PSD3: variants seen among roughly 807,000 people sequenced by gnomAD.
PSD3 encodes pleckstrin and Sec7 domain containing 3.
In PSD3, 49 loss-of-function variants were observed where a neutral mutation model predicts 105.5. The observed-to-expected ratio is 0.46, with a 90% CI of 0.37 to 0.59. The LOEUF is 0.59. PSD3 is among the 20% of genes least tolerant of loss of function. The probability of loss-of-function intolerance (pLI) is 0.00; values close to 1 mark genes in which losing one functional copy is unlikely to be tolerated. For missense variants in PSD3, 1,561 were observed against 1,263.8 expected (o/e 1.24, Z -3.57); for synonymous variants, 557 against 457.8 (o/e 1.22, Z -2.77).
chr8:18,632,568 A>C lies in PSD3; in HGVS notation c.2410+45T>G, dbSNP rs1349147689. 5 of 1,546,490 alleles carry C rather than the reference A, an allele frequency of 3.2e-6. No individual in the cohort carries two copies. The South Asian group carries it at 6.0e-5, about 19-fold the overall frequency. ...AAATTCCCTTTAAATTTTGAGCATA[A>C]AGATAAAATAAATGAAATAGAAAAT... On this transcript the variant is annotated intron_variant, in intron 11 of 15. Transcript: ENST00000327040.
Position 18,601,655 on chromosome 8 carries a change from A to G in PSD3, c.2411-1221T>C, listed in dbSNP as rs568408140. On this transcript the variant is annotated intron_variant, in intron 11 of 15. Coordinates refer to ENST00000327040, the MANE Select transcript of PSD3 (RefSeq NM_015310.4). The stretch of plus-strand genomic sequence containing the variant: ...AAATATCATCCCTTCTGCCTCCACT[A>G]GGTGAGGCTTAAAGGTATACTAAAA... 1.1e-4 allele frequency among the ~76,000 whole-genome samples: 17 copies of G among 152,326 alleles called. No homozygotes were observed. In the East Asian group the frequency reaches 3.3e-3, roughly 29 times the overall value.
chr8:18,609,966 A>C (rs1426208218), intron 11 of PSD3, among the ~76,000 whole-genome samples: 1 of 152,238 alleles, frequency 6.6e-6, no homozygotes, highest in Non-Finnish European at 1.5e-5. Flanking sequence ...AGTATTCAGC[A>C]AGTGACAGTA....
chr8:18,919,562 T>C (rs113411364), intron 2 of PSD3, among the ~76,000 whole-genome samples: 28 of 152,052 alleles, frequency 1.8e-4, no homozygotes, highest in Non-Finnish European at 3.7e-4. Flanking sequence ...AAACAGATCG[T>C]TGGCTTGCAA....
At chr8:18,734,620 C>G (rs997887539) in intron 9 of PSD3, among the ~76,000 whole-genome samples, 2 of 152,122 alleles carry the variant, frequency 1.3e-5, no homozygotes, top group African/African-American at 4.8e-5. Context: ...AATAAAGTCC[C>G]CGCCCTTATG....
intron 9 of PSD3, among the ~76,000 whole-genome samples, chr8:18,751,893 A>C (rs1003687533): frequency 3.4e-5 from 5 of 148,512 alleles, no homozygotes; most frequent in Non-Finnish European, 7.4e-5. Flanking sequence ...ATTAACTGGG[A>C]TCTGGACGCG....
At chr8:18,881,671 C>T (rs142863574) in intron 2 of PSD3, among the ~76,000 whole-genome samples, 21 of 152,236 alleles carry the variant, frequency 1.4e-4, no homozygotes, top group Admixed American at 9.2e-4. Flanking sequence ...GCCACAGTTA[C>T]GGATTCTACA....
intron 12 of PSD3, among the ~76,000 whole-genome samples, chr8:18,581,319 A>G (rs536924161): frequency 9.8e-5 from 15 of 152,318 alleles, no homozygotes; most frequent in African/African-American, 3.6e-4. Context: ...AACGCTTCAC[A>G]TTCCCATAGT....
At chr8:19,008,637 A>G (rs1239968788) in intron 1 of PSD3, among the ~76,000 whole-genome samples, 4 of 152,248 alleles carry the variant, frequency 2.6e-5, no homozygotes, top group Non-Finnish European at 5.9e-5. Flanking sequence ...GCCCTTAACC[A>G]GTAATCTCCT....
chr8:18,653,019 A>T (rs1808626932), intron 10 of PSD3, among the ~76,000 whole-genome samples: 1 of 152,236 alleles, frequency 6.6e-6, no homozygotes, highest in South Asian at 2.1e-4. Context: ...GCAGAAATTC[A>T]AGATGTACGT....
chr8:18,982,292 T>C (rs1295493008), intron 1 of PSD3, among the ~76,000 whole-genome samples: 1 of 152,206 alleles, frequency 6.6e-6, no homozygotes, highest in Non-Finnish European at 1.5e-5. Flanking sequence ...GCTATTTCCA[T>C]CAAATCTGTA....
At chr8:18,992,866 G>T (rs1390356991) in intron 1 of PSD3, among the ~76,000 whole-genome samples, 1 of 151,660 alleles carries the variant, frequency 6.6e-6, no homozygotes, top group Non-Finnish European at 1.5e-5. Flanking sequence ...TCTAAGGTCC[G>T]TCTGAGCTCT....
chr8:19,074,473 T>A (rs887887228), intron 1 of PSD3, among the ~76,000 whole-genome samples: 2 of 151,928 alleles, frequency 1.3e-5, no homozygotes, highest in Non-Finnish European at 2.9e-5. Flanking sequence ...ATATTTTTTA[T>A]GCTGAAATAT....
At chr8:18,677,108 T>C (rs1201113408) in intron 9 of PSD3, among the ~76,000 whole-genome samples, 2 of 152,196 alleles carry the variant, frequency 1.3e-5, no homozygotes, top group Non-Finnish European at 2.9e-5. Context: ...TAAGTAATCA[T>C]TTGAGCAATC....
intron 9 of PSD3, among the ~76,000 whole-genome samples, chr8:18,665,709 G>A (rs1011256258): frequency 1.1e-4 from 16 of 152,210 alleles, no homozygotes; most frequent in African/African-American, 3.9e-4. Context: ...ACAGCTGGGT[G>A]TGGGTGGCGT....
chr8:18,777,870 A>C (rs1808244668), intron 8 of PSD3, among the ~76,000 whole-genome samples: 1 of 152,092 alleles, frequency 6.6e-6, no homozygotes, highest in African/African-American at 2.4e-5. Context: ...CAACTTTTTA[A>C]ACTCCCTCAT....
At chr8:18,848,029 G>C (rs923922878) in intron 4 of PSD3, among the ~76,000 whole-genome samples, 1 of 152,110 alleles carries the variant, frequency 6.6e-6, no homozygotes, top group African/African-American at 2.4e-5. Flanking sequence ...AGAAAGAAAA[G>C]AGGGGAAGGA....
chr8:18,676,736 C>G (rs1800085486), intron 9 of PSD3, among the ~76,000 whole-genome samples: 2 of 152,308 alleles, frequency 1.3e-5, no homozygotes, highest in South Asian at 4.1e-4. Context: ...TATACTTTAG[C>G]CTTGATAACA....
chr8:19,001,239 C>A (rs1826367592), intron 1 of PSD3, among the ~76,000 whole-genome samples: 1 of 151,760 alleles, frequency 6.6e-6, no homozygotes, highest in African/African-American at 2.4e-5. Flanking sequence ...GGACTACAGG[C>A]TCGCACCATC....
At chr8:18,737,448 C>T (rs1171775343) in intron 9 of PSD3, among the ~76,000 whole-genome samples, 2 of 152,088 alleles carry the variant, frequency 1.3e-5, no homozygotes, top group South Asian at 2.1e-4. Flanking sequence ...CCTCAGCCTC[C>T]CGAGAGGTGG....
Sources: gnomAD v4.1 joint callset for allele counts (sites outside exome capture counted in the v4.1 genomes callset) on GRCh38, gnomAD v4.1.1 for gene constraint, MANE v1.5 for transcripts, NCBI Gene and HGNC (gene_info 2026-07-23, HGNC 2026-07-21) for gene names.